Variants in TBX5 observed in about 807,000 individuals in gnomAD.
The protein encoded by TBX5 is T-box transcription factor 5, also known as T-box transcription factor TBX5.
Under a neutral mutation model 51.1 loss-of-function variants are expected in TBX5, and 8 were observed. The observed-to-expected ratio is 0.16, with a 90% CI of 0.09 to 0.28. The LOEUF (loss-of-function observed/expected upper bound fraction) is 0.28, where lower values mean the gene tolerates loss of function less well. Among genes scored for constraint, TBX5 ranks in the 10% least tolerant of loss-of-function variants. The pLI, the probability that TBX5 is intolerant of heterozygous loss-of-function variation, is 1.00. For synonymous variants in TBX5, 302 were observed against 266.4 expected, an observed-to-expected ratio of 1.13 and a Z score of -1.30; for missense variants, 589 against 671.7, an observed-to-expected ratio of 0.88 and a Z score of 1.36.
chr12:114,356,831 G>T (rs748453559), intron 8 of TBX5, among the ~76,000 whole-genome samples: 39 of 152,158 alleles, frequency 2.6e-4, no homozygotes, highest in Non-Finnish European at 5.3e-4. Context: ...TCATCTTACA[G>T]ATGAGAGAAA....
At chr12:114,403,615 G>T (rs1238360730) in intron 2 of TBX5, 137 bp downstream of exon 2, 1 of 1,313,028 alleles carries the variant, frequency 7.6e-7, no homozygotes, top group African/African-American at 1.5e-5. Context: ...AAGGAAAAGG[G>T]ATGATTATAG....
chr12:114,362,445 A>C (rs1378821987), intron 8 of TBX5, among the ~76,000 whole-genome samples: 1 of 151,306 alleles, frequency 6.6e-6, no homozygotes, highest in Non-Finnish European at 1.5e-5. Context: ...CCTTCTGTTC[A>C]CTCCCCAGGG....
At chr12:114,357,384 G>A (rs1868985046) in intron 8 of TBX5, among the ~76,000 whole-genome samples, 1 of 152,136 alleles carries the variant, frequency 6.6e-6, no homozygotes, top group African/African-American at 2.4e-5. Flanking sequence ...CAATTTCAGG[G>A]GGTTCAAAGA....
chr12:114,374,790 T>G (rs1290467241), intron 7 of TBX5, among the ~76,000 whole-genome samples: 3 of 152,028 alleles, frequency 2.0e-5, no homozygotes, highest in Admixed American at 6.6e-5. Context: ...AAAAATTGAG[T>G]CCTAGTTAAT....
intron 8 of TBX5, among the ~76,000 whole-genome samples, chr12:114,359,766 C>A (rs1254496520): frequency 2.0e-5 from 3 of 152,176 alleles, no homozygotes; most frequent in East Asian, 3.9e-4. Context: ...GGATGAATCA[C>A]CAGGTCATTC....
At chr12:114,371,172 A>G (rs1301847780) in intron 7 of TBX5, among the ~76,000 whole-genome samples, 5 of 152,160 alleles carry the variant, frequency 3.3e-5, no homozygotes. Flanking sequence ...TACTCTTTGC[A>G]GAAACTTTAG....
chr12:114,403,466 TA>T (rs1486119375), intron 2 of TBX5, among the ~76,000 whole-genome samples: 2 of 152,228 alleles, frequency 1.3e-5, no homozygotes, highest in Non-Finnish European at 2.9e-5. Context: ...AACGGCCGGA[TA>T]ATTGAGATTT....
At position 114,384,745 on chromosome 12, in the gene TBX5, A is replaced by ACACACACACACACAAC. The variant is rs10629159; in HGVS notation, c.755+730_755+731insGTTGTGTGTGTGTGTG. Among the ~76,000 whole-genome samples, 797 of 115,194 alleles carry ACACACACACACACAAC rather than the reference A, an allele frequency of 6.9e-3. 1 individual carries two copies. The highest frequency in any genetic ancestry group is 0.011 in the South Asian group (40 of 3,650). 75.6% of individuals were successfully genotyped at this position (115,194 alleles called of 152,430 possible). On this transcript the variant is annotated intron_variant, in intron 7 of 8. Coordinates refer to ENST00000405440, the MANE Select transcript of TBX5 (RefSeq NM_181486.4). ...CACACACACACACACACACACACACAACACACACACACAAACCTTCTTGGT... is the reference window on the plus strand; with the variant it reads ...CACACACACACACACACACACACACACACACACACACACAACACACACACACACAAACCTTCTTGGT...
chr12:114,400,183 C>T (rs539406401), intron 3 of TBX5, among the ~76,000 whole-genome samples: 20 of 152,280 alleles, frequency 1.3e-4, no homozygotes, highest in Admixed American at 7.8e-4. Context: ...AGGGGAAGGC[C>T]GCGGTTCCCA....
At chr12:114,383,508 A>T (rs2136395293) in intron 7 of TBX5, among the ~76,000 whole-genome samples, 1 of 152,268 alleles carries the variant, frequency 6.6e-6, no homozygotes, top group East Asian at 1.9e-4. Context: ...TAGTGATGGC[A>T]ACAGGAGACT....
rs751285432 is a variant in TBX5 at position 114,385,581 on chromosome 12, G to A, written c.664-14C>T. 5 of 1,610,140 alleles carry A rather than the reference G, an allele frequency of 3.1e-6. No homozygotes were observed. In the Admixed American group the frequency reaches 8.3e-5, roughly 27 times the overall value. ...TAATTGCGTGATCTGAAGGAAAGAGGAAGAGAGAACAAGCTGGTTTTCACT... is the reference window on the plus strand; with the variant it reads ...TAATTGCGTGATCTGAAGGAAAGAGAAAGAGAGAACAAGCTGGTTTTCACT... On this transcript the variant is annotated splice_polypyrimidine_tract_variant and intron_variant, in intron 6 of 8. Coordinates refer to ENST00000405440, the MANE Select transcript of TBX5 (RefSeq NM_181486.4).
At chr12:114,379,966 G>A (rs1000294903) in intron 7 of TBX5, among the ~76,000 whole-genome samples, 1 of 152,150 alleles carries the variant, frequency 6.6e-6, no homozygotes, top group African/African-American at 2.4e-5. Flanking sequence ...ACTTCTAGGA[G>A]CAGCTCTCCT....
chr12:114,408,303 C>G, upstream of TBX5: 1 of 783,392 alleles, frequency 1.3e-6, no homozygotes, highest in Non-Finnish European at 1.5e-6. Context: ...ACATAAGACA[C>G]AAATAGAGCC....
chr12:114,370,312 G>GA lies in TBX5; in HGVS notation c.756-3922dup, dbSNP rs1441779028. Among the ~76,000 whole-genome samples the GA allele has an allele frequency of 4.4e-3, 524 of 117,850 alleles. 8 individuals carry two copies. The highest frequency in any genetic ancestry group is 0.016 in the African/African-American group (470 of 29,078). 77.3% of individuals were successfully genotyped at this position (117,850 alleles called of 152,430 possible). A position where few individuals can be genotyped will look rare whatever the true frequency, so the allele number is the denominator to read the frequency against. ...AGAAAGAAAAGAAAAGAAAAGAAAAGAAAGAAAAGAAAAGAAAAGAGAAAA... is the reference window on the plus strand; with the variant it reads ...AGAAAGAAAAGAAAAGAAAAGAAAAGAAAAGAAAAGAAAAGAAAAGAGAAAA... On this transcript the variant is annotated intron_variant, in intron 7 of 8. Coordinates refer to ENST00000405440, the MANE Select transcript of TBX5 (RefSeq NM_181486.4).
chr12:114,396,542 G>A (rs1359306757), intron 5 of TBX5, among the ~76,000 whole-genome samples: 1 of 152,136 alleles, frequency 6.6e-6, no homozygotes, highest in Non-Finnish European at 1.5e-5. Flanking sequence ...AAGCTGGCAG[G>A]GATGCCAGGA....
rs1329380707 is a variant in TBX5 at position 114,406,067 on chromosome 12, T to C, written c.-478A>G. ...GTCAGTCTCTCTCACTCTCTCTCCC[T>C]CTCTCTCTCTCTCTGAAATACAAGC... On this transcript the variant is annotated 5_prime_UTR_variant, in exon 1 of 9. Coordinates refer to ENST00000405440, the MANE Select transcript of TBX5 (RefSeq NM_181486.4). The C allele has an allele frequency of 1.3e-5, 8 of 601,552 alleles. No homozygotes were observed. Among genetic ancestry groups the C allele is most frequent in the South Asian group, 1.5e-4 (2 of 13,596 alleles). The allele number at this position is 601,552 out of a possible 1,614,324, so 37.3% of individuals were successfully genotyped here. A position where few individuals can be genotyped will look rare whatever the true frequency, so the allele number is the denominator to read the frequency against.
chr12:114,358,847 T>C (rs996861215), intron 8 of TBX5, among the ~76,000 whole-genome samples: 1 of 152,068 alleles, frequency 6.6e-6, no homozygotes, highest in Non-Finnish European at 1.5e-5. Context: ...CTTCTTTTTG[T>C]CCTCACCACC....
Position 114,366,444 on chromosome 12 carries a change from C to T in TBX5, c.756-53G>A, listed in dbSNP as rs1024789848. On this transcript the variant is annotated intron_variant, in intron 7 of 8. Transcript: ENST00000405440. ...CCTATCAGTGCCCTGATACAGATTT[C>T]CTGAGTGGCTGAACCAGGTGTGAGA... 2.3e-5 allele frequency: 36 copies of T among 1,580,228 alleles called. No homozygotes were observed. The South Asian group carries it at 4.0e-4, about 18-fold the overall frequency.
chr12:114,398,182 G>A (rs1239834854), intron 5 of TBX5, among the ~76,000 whole-genome samples: 6 of 152,186 alleles, frequency 3.9e-5, no homozygotes, highest in Non-Finnish European at 4.4e-5. Context: ...AGGTGAGCCG[G>A]GGGCCATATC....
Sources: gnomAD v4.1 joint callset for allele counts (sites outside exome capture counted in the v4.1 genomes callset) on GRCh38, gnomAD v4.1.1 for gene constraint, MANE v1.5 for transcripts, NCBI Gene and HGNC (gene_info 2026-07-23, HGNC 2026-07-21) for gene names.